The following PROSER3 variants were observed in gnomAD, a reference collection of about 807,000 sequenced individuals.
PROSER3 encodes the protein proline and serine rich 3.
In PROSER3, 33 loss-of-function variants were observed where a neutral mutation model predicts 50.2. That is an observed-to-expected ratio of 0.66 (90% CI 0.50 to 0.88). The LOEUF (loss-of-function observed/expected upper bound fraction) is 0.88. Among genes scored for constraint, PROSER3 ranks in the 40% least tolerant of loss-of-function variants. The probability of loss-of-function intolerance (pLI) is 0.00; values close to 1 mark genes in which losing one functional copy is unlikely to be tolerated. For synonymous variants in PROSER3, 266 were observed against 259.3 expected (o/e 1.03, Z -0.25); for missense variants, 623 against 612.7 (o/e 1.02, Z -0.18).
downstream of PROSER3, among the ~76,000 whole-genome samples, chr19:35,770,138 C>T (rs1270488252): frequency 2.6e-5 from 4 of 151,636 alleles, no homozygotes; most frequent in Admixed American, 6.6e-5. Flanking sequence ...CTCATGACCT[C>T]GTGATCCTCC....
intron 8 of PROSER3, chr19:35,767,601 C>T: frequency 3.2e-6 from 2 of 624,048 alleles, no homozygotes; most frequent in Non-Finnish European, 2.7e-6. Context: ...CAAGTCCCTG[C>T]AGCTGGCCAG....
downstream of PROSER3, chr19:35,769,449 T>G (rs1441191136): frequency 6.7e-6 from 1 of 148,272 alleles, no homozygotes; most frequent in Admixed American, 6.7e-5. Flanking sequence ...GGACTACAGG[T>G]GCCCGCCACC....
Position 35,765,179 on chromosome 19 carries a change from AAGGGCTGAG to A in PROSER3, c.769+7_769+15del. On this transcript the variant is annotated splice_donor_5th_base_variant and intron_variant, in intron 7 of 10. Transcript: ENST00000396908. ...GGGCCTTGGCCCCAGGGCACCCGGT[AAGGGCTGAG>A]AGGCAAAGACTGAGGGCAGCCTGGG... 6.2e-7 allele frequency: 1 copy of A among 1,612,672 alleles called. No individual in the cohort carries two copies. The highest frequency in any genetic ancestry group is 8.5e-7 in the Non-Finnish European group (1 of 1,179,770).
chr19:35,762,706 G>T, intron 5 of PROSER3: 4 of 146,286 alleles, frequency 2.7e-5, no homozygotes, highest in East Asian at 2.0e-4. Flanking sequence ...AGCCTGGGCA[G>T]TAGAGCAAGA....
chr19:35,762,545 CTA>C, intron 5 of PROSER3, 189 bp downstream of exon 5: 1 of 272,352 alleles, frequency 3.7e-6, no homozygotes, highest in Non-Finnish European at 6.2e-6. Context: ...TCTGCCTCTA[CTA>C]AAAAAAAAAA....
At chr19:35,762,221 C>T (rs751934362) in intron 4 of PROSER3, 32 bp from the exon 5 acceptor site, 1 of 1,602,526 alleles carries the variant, frequency 6.2e-7, no homozygotes, top group South Asian at 1.1e-5. Flanking sequence ...GCCACTCCTC[C>T]TGGCCCTCAT....
chr19:35,758,353 T>C, intron 1 of PROSER3, 127 bp downstream of exon 1: 1 of 1,269,172 alleles, frequency 7.9e-7, no homozygotes, highest in Non-Finnish European at 1.0e-6. Flanking sequence ...GAACTACAAT[T>C]CCCAACATGC....
At chr19:35,765,146 T>C (rs774561163) in exon 7 of PROSER3, 1 of 1,613,714 alleles carries the variant, frequency 6.2e-7, no homozygotes, top group Non-Finnish European at 8.5e-7. Context: ...CATCCCTGAC[T>C]CCAGCAAGGG....
exon 9 of PROSER3, chr19:35,767,837 G>A (rs752077583): frequency 4.3e-6 from 7 of 1,612,976 alleles, no homozygotes; most frequent in Admixed American, 1.7e-5. Context: ...CTTGCCGCCC[G>A]CAGCGGGGTC....
intron 8 of PROSER3, chr19:35,767,505 T>C: frequency 2.5e-6 from 1 of 392,710 alleles, no homozygotes. Context: ...GGCCTGCCCA[T>C]CCCTGACCCA....
At chr19:35,766,994 G>C in intron 8 of PROSER3, 39 bp downstream of exon 8, 1 of 1,526,874 alleles carries the variant, frequency 6.5e-7, no homozygotes. Flanking sequence ...GGAGCTGGAG[G>C]AGGGGCTGGG....
intron 7 of PROSER3, among the ~76,000 whole-genome samples, chr19:35,766,477 T>C (rs573447249): frequency 6.6e-6 from 1 of 151,934 alleles, no homozygotes; most frequent in South Asian, 2.1e-4. Context: ...GCCCAGGAGG[T>C]CGAGACTGCA....
intron 7 of PROSER3, among the ~76,000 whole-genome samples, chr19:35,765,554 T>G (rs1437943641): frequency 6.6e-6 from 1 of 151,268 alleles, no homozygotes; most frequent in East Asian, 2.0e-4. Flanking sequence ...CACTCCAGCT[T>G]GGGCGACAGA....
At chr19:35,758,576 C>A in intron 1 of PROSER3, 1 of 308,120 alleles carries the variant, frequency 3.2e-6, no homozygotes, top group Admixed American at 5.0e-5. Context: ...CCCAGTGGAT[C>A]CTGGGGCTTG....
At chr19:35,767,174 T>C in intron 8 of PROSER3, 1 of 535,850 alleles carries the variant, frequency 1.9e-6, no homozygotes, top group Non-Finnish European at 3.2e-6. Flanking sequence ...AGAGGCCTTC[T>C]ATGTGGAGAG....
chr19:35,763,731 C>T (rs1971042161), intron 5 of PROSER3, among the ~76,000 whole-genome samples: 1 of 150,968 alleles, frequency 6.6e-6, no homozygotes. Flanking sequence ...TGGTCTCCAT[C>T]TCCTGACCTT....
chr19:35,768,455 A>T, exon 11 of PROSER3: 3 of 1,598,106 alleles, frequency 1.9e-6, no homozygotes, highest in Non-Finnish European at 2.5e-6. Flanking sequence ...AAGACCTGGG[A>T]TCTTGGTCCC....
chr19:35,763,952 A>AG (rs1323170007), intron 5 of PROSER3, among the ~76,000 whole-genome samples: 3 of 150,884 alleles, frequency 2.0e-5, no homozygotes, highest in Non-Finnish European at 4.4e-5. Context: ...ATGCCCAGCT[A>AG]ATTTTTTGGT....
exon 9 of PROSER3, chr19:35,767,994 C>A: frequency 6.3e-7 from 1 of 1,596,792 alleles, no homozygotes; most frequent in Non-Finnish European, 8.5e-7. Flanking sequence ...GCCCCGCCCC[C>A]GCCCGCTGCT....
Sources: allele counts gnomAD v4.1 joint callset (sites outside exome capture counted in the v4.1 genomes callset), GRCh38; gene constraint gnomAD v4.1.1; transcripts MANE v1.5; gene names NCBI Gene and HGNC (gene_info 2026-07-23, HGNC 2026-07-21).